WDTC1: variants seen among roughly 807,000 people sequenced by gnomAD.
WDTC1 encodes the protein WD and tetratricopeptide repeats 1.
Under a neutral mutation model 76.0 loss-of-function variants are expected in WDTC1, and 12 were observed. The observed-to-expected ratio is 0.16, with a 90% CI of 0.10 to 0.26. The LOEUF (loss-of-function observed/expected upper bound fraction) is 0.26, where lower values mean the gene tolerates loss of function less well. Ranked by LOEUF, WDTC1 falls within the 10% of genes least tolerant of loss-of-function variation. The probability of loss-of-function intolerance (pLI) is 1.00; values close to 1 mark genes in which losing one functional copy is unlikely to be tolerated. For synonymous variants in WDTC1, 326 were observed against 350.8 expected (o/e 0.93, Z 0.79); for missense variants, 511 against 908.8 (o/e 0.56, Z 5.63).
intron 3 of WDTC1, among the ~76,000 whole-genome samples, chr1:27,278,463 G>A (rs1311074727): frequency 6.6e-6 from 1 of 152,284 alleles, no homozygotes; most frequent in Non-Finnish European, 1.5e-5. Context: ...TGACAGAAAT[G>A]TTCTAGACAC....
intron 3 of WDTC1, among the ~76,000 whole-genome samples, chr1:27,273,195 CT>C (rs1461233634): frequency 4.8e-5 from 6 of 125,448 alleles, no homozygotes; most frequent in African/African-American, 1.7e-4. Flanking sequence ...GACTAATTTT[CT>C]TTTTCTTTTC....
chr1:27,290,144 T>A (rs1010186581), intron 6 of WDTC1, among the ~76,000 whole-genome samples: 1 of 152,284 alleles, frequency 6.6e-6, no homozygotes, highest in South Asian at 2.1e-4. Flanking sequence ...TGCAGTGGCG[T>A]GATCATGGCT....
rs773396139 is a variant in WDTC1, at chr1:27,294,619, G to C, written c.863G>C (p.Gly288Ala). The C allele has an allele frequency of 3.5e-5, 57 of 1,613,946 alleles. No individual in the cohort carries two copies. The highest frequency in any genetic ancestry group is 4.6e-5 in the Non-Finnish European group (54 of 1,179,880). The change falls in exon 9 of 16, where the codon GGG becomes GCG. Residue 288 changes from glycine to alanine, a missense_variant. Physicochemically the swap from Gly to Ala is moderately conservative, Grantham distance 60 (BLOSUM62 0). Transcript: ENST00000319394. The stretch of plus-strand genomic sequence containing the variant: ...GGCACAGAGCTACTAGTCAACATGG[G>C]GGGGGAACAGGTATGTACAGCATAA... ...PNGTELLVNM[G>A]GEQVYLFDLT...
chr1:27,296,785 A>ACCCTAGCCCCGGCCCCAG (rs2013700540), intron 10 of WDTC1, among the ~76,000 whole-genome samples: 20 of 88,684 alleles, frequency 2.3e-4, no homozygotes, highest in African/African-American at 7.8e-4. Context: ...CCCAGCCCCA[A>ACCCTAGCCCCGGCCCCAG]CCCTAGCCCC....
chr1:27,283,089 G>T (rs890313044), intron 4 of WDTC1, among the ~76,000 whole-genome samples: 1 of 150,366 alleles, frequency 6.7e-6, no homozygotes, highest in Non-Finnish European at 1.5e-5. Flanking sequence ...AGTGAGCCGA[G>T]ATCGCGCCAC....
In WDTC1 at chr1:27,294,618, G is replaced by T; in HGVS notation, c.862G>T (p.Gly288Trp). ...TGGCACAGAGCTACTAGTCAACATG[G>T]GGGGGGAACAGGTATGTACAGCATA... ...PNGTELLVNM[G>W]GEQVYLFDLT... Residue 288 changes from glycine (G) to tryptophan (W), a missense_variant, in exon 9 of 16, where the codon GGG (glycine) becomes TGG (tryptophan). Gly to Trp is a radical substitution (Grantham distance 184, BLOSUM62 -2). Transcript: ENST00000319394. 1 of 1,613,896 alleles carries T rather than the reference G, an allele frequency of 6.2e-7. No individual in the cohort carries two copies. The highest frequency in any genetic ancestry group is 8.5e-7 in the Non-Finnish European group (1 of 1,179,854).
intron 1 of WDTC1, among the ~76,000 whole-genome samples, chr1:27,257,589 C>T (rs1330793143): frequency 6.6e-6 from 1 of 152,092 alleles, no homozygotes; most frequent in African/African-American, 2.4e-5. Context: ...TTAATTTGTT[C>T]AAATTCACAT....
intron 3 of WDTC1, among the ~76,000 whole-genome samples, chr1:27,273,234 A>C (rs2012924221): frequency 9.8e-6 from 1 of 101,844 alleles, no homozygotes; most frequent in South Asian, 3.4e-4. Flanking sequence ...TTTGAGATGG[A>C]GTCTCGCTCT....
In WDTC1 at chr1:27,260,937, G is replaced by C. The variant is rs1461550769; in HGVS notation, c.-99-19G>C. The C allele has an allele frequency of 8.6e-7, 1 of 1,166,030 alleles. No homozygotes were observed. The allele number at this position is 1,166,030 out of a possible 1,614,324, so 72.2% of individuals were successfully genotyped here. Reference sequence around the variant, plus strand: ...CTTTATTATCCATCCTCCAAAGTTTGATGATTTTTTTCCCCCAGGTAATTA... The same window carrying C: ...CTTTATTATCCATCCTCCAAAGTTTCATGATTTTTTTCCCCCAGGTAATTA... On this transcript the variant is annotated intron_variant, in intron 1 of 15. Coordinates refer to ENST00000319394, the MANE Select transcript of WDTC1 (RefSeq NM_001276252.2).
chr1:27,278,944 C>T (rs938567779), intron 3 of WDTC1, among the ~76,000 whole-genome samples: 4 of 152,086 alleles, frequency 2.6e-5, no homozygotes, highest in African/African-American at 9.7e-5. Context: ...GTGCTTCGAA[C>T]CCCAGCTACT....
chr1:27,290,974 C>T (rs1182327177), intron 6 of WDTC1, among the ~76,000 whole-genome samples: 1 of 152,224 alleles, frequency 6.6e-6, no homozygotes, highest in Non-Finnish European at 1.5e-5. Flanking sequence ...AGGTCCAACT[C>T]TGTGTAGCAC....
Position 27,308,172 on chromosome 1 carries a change from GC to G in WDTC1, c.*1791del, listed in dbSNP as rs2014002447. 6.6e-6 allele frequency: 1 copy of G among 152,240 alleles called. No homozygotes were observed. Among genetic ancestry groups the G allele is most frequent in the Non-Finnish European group, 1.5e-5 (1 of 68,090 alleles). 9.4% of individuals were successfully genotyped at this position (152,240 alleles called of 1,614,324 possible). ...GCCTTACTGTCCTCTGGGGGCAGGA[GC>G]CGAGCCTTTTTGTTGCTCCGCTCCC... is the stretch of plus-strand genomic sequence containing the variant. On this transcript the variant is annotated 3_prime_UTR_variant, in exon 16 of 16. Coordinates refer to ENST00000319394, the MANE Select transcript of WDTC1 (RefSeq NM_001276252.2).
chr1:27,246,177 C>G (rs1227515644), intron 1 of WDTC1, among the ~76,000 whole-genome samples: 1 of 152,118 alleles, frequency 6.6e-6, no homozygotes, highest in African/African-American at 2.4e-5. Flanking sequence ...AACTTGTCAC[C>G]ACTATCTAAT....
chr1:27,294,187 G>GA, intron 8 of WDTC1, 71 bp downstream of exon 8: 2 of 1,500,574 alleles, frequency 1.3e-6, no homozygotes, highest in Admixed American at 3.6e-5. Context: ...AGTCCAGGGA[G>GA]ACAGCATGGC....
At chr1:27,235,174 CG>C (rs936533241) in intron 1 of WDTC1, among the ~76,000 whole-genome samples, 5 of 150,814 alleles carry the variant, frequency 3.3e-5, no homozygotes, top group Admixed American at 6.6e-5. Context: ...AGGGTTTGGT[CG>C]GGACGCGGGG....
In WDTC1 at chr1:27,301,105, C is replaced by T. The variant is rs1402014633; in HGVS notation, c.1233-121C>T. On this transcript the variant is annotated intron_variant, in intron 12 of 15. Transcript: ENST00000319394. This position sits in a 1 kb window ranked among gnomAD's most constrained non-coding sequence, Gnocchi z 5.8. Reference sequence around the variant, plus strand: ...CAGGATTCTCTTCGTCCTCAAGTCCCCTTGCCATGAGATCTGTCAGTGGTG... The same window carrying T: ...CAGGATTCTCTTCGTCCTCAAGTCCTCTTGCCATGAGATCTGTCAGTGGTG... The T allele has an allele frequency of 6.0e-5, 49 of 812,544 alleles. No homozygotes were observed. In the Admixed American group the frequency reaches 1.1e-3, roughly 18 times the overall value. 50.3% of individuals were successfully genotyped at this position (812,544 alleles called of 1,614,324 possible).
In WDTC1 at chr1:27,296,337, TG is replaced by T; in HGVS notation, c.886del (p.Asp296ThrfsTer2). 1 of 1,614,082 alleles carries T rather than the reference TG, an allele frequency of 6.2e-7. No homozygotes were observed. ...NMGGEQVYLFDLTYKQRPYTF... is the reference protein window; with the variant it reads ...NMGGEQVYLFXLTYKQRPYTF... ...CCCCTCAACTCTAGGTCTATTTGTTTGACTTGACTTACAAGCAGCGGCCGTA... is the reference window on the plus strand; with the variant it reads ...CCCCTCAACTCTAGGTCTATTTGTTTACTTGACTTACAAGCAGCGGCCGTA... On this transcript the variant is annotated frameshift_variant, in exon 10 of 16. Coordinates refer to ENST00000319394, the MANE Select transcript of WDTC1 (RefSeq NM_001276252.2). LOFTEE classifies it high-confidence loss of function.
chr1:27,280,652 G>C (rs1342962063), intron 3 of WDTC1, among the ~76,000 whole-genome samples: 1 of 152,124 alleles, frequency 6.6e-6, no homozygotes, highest in East Asian at 1.9e-4. Flanking sequence ...TTCCTAGTTG[G>C]CATTTTTTGT....
chr1:27,250,079 T>C (rs2011986692), intron 1 of WDTC1, among the ~76,000 whole-genome samples: 1 of 152,206 alleles, frequency 6.6e-6, no homozygotes, highest in Non-Finnish European at 1.5e-5. Flanking sequence ...TTATAATCCA[T>C]GCTACTGAGC....
Sources: allele counts gnomAD v4.1 joint callset (sites outside exome capture counted in the v4.1 genomes callset), GRCh38; gene constraint gnomAD v4.1.1; non-coding constraint Gnocchi (gnomAD v3.1); transcripts MANE v1.5; gene names NCBI Gene and HGNC (gene_info 2026-07-23, HGNC 2026-07-21).